ITGAD: variants seen among roughly 807,000 people sequenced by gnomAD.
The protein encoded by ITGAD is integrin subunit alpha D, also known as integrin alpha-D.
In ITGAD, 105 loss-of-function variants were observed where a neutral mutation model predicts 139.0. That is an observed-to-expected ratio of 0.76 (90% CI 0.65 to 0.89). The LOEUF (loss-of-function observed/expected upper bound fraction) is 0.89, where lower values mean the gene tolerates loss of function less well. Among genes scored for constraint, ITGAD ranks in the 40% least tolerant of loss-of-function variants. The probability of loss-of-function intolerance (pLI) is 0.00; values close to 1 mark genes in which losing one functional copy is unlikely to be tolerated. For missense variants in ITGAD, 1,384 were observed against 1,487.3 expected (o/e 0.93, Z 1.14); for synonymous variants, 569 against 598.3 (o/e 0.95, Z 0.71).
intron 16 of ITGAD, among the ~76,000 whole-genome samples, 166 bp from the exon 17 acceptor site, chr16:31,414,285 A>ATCCG (rs1426879480): frequency 6.3e-4 from 96 of 151,386 alleles, no homozygotes; most frequent in Non-Finnish European, 1.1e-3. Flanking sequence ...CCATCCATCC[A>ATCCG]TCATCTATCC....
intron 23 of ITGAD, among the ~76,000 whole-genome samples, chr16:31,419,196 CA>C (rs79173110): frequency 0.016 from 1,329 of 81,252 alleles, 13 homozygotes; most frequent in Middle Eastern, 0.05. Context: ...CTGTCTCAAA[CA>C]AAAAAAAAAA....
chr16:31,404,874 C>T (rs1213037846), intron 7 of ITGAD, among the ~76,000 whole-genome samples: 2 of 151,582 alleles, frequency 1.3e-5, no homozygotes, highest in African/African-American at 4.9e-5. Flanking sequence ...CCCTTCCCTC[C>T]CTTCCCTCCC....
In ITGAD at chr16:31,423,185, G is replaced by A. The variant is rs777270472; in HGVS notation, c.2852G>A (p.Arg951Gln). Reference protein sequence around the residue: ...DEKKMKEAEHRYRVNNLSQRD... With the variant: ...DEKKMKEAEHQYRVNNLSQRD... ...AAGAAAATGAAAGAGGCTGAGCATC[G>A]ATACCGTGTGAGAGTCTAGGGAGTA... The change falls in exon 24 of 30, where the codon CGA becomes CAA. Residue 951 changes from arginine (R) to glutamine (Q), a missense_variant. Physicochemically the swap from Arg to Gln is conservative, Grantham distance 43 (BLOSUM62 1). Transcript: ENST00000389202. The A allele has an allele frequency of 9.4e-5, 152 of 1,613,614 alleles. No homozygotes were observed. Among genetic ancestry groups the A allele is most frequent in the Non-Finnish European group, 1.2e-4 (141 of 1,179,626 alleles).
In ITGAD at chr16:31,407,893, A is replaced by G. The variant is rs528380726; in HGVS notation, c.986A>G (p.Gln329Arg). The change falls in exon 9 of 30, where the codon CAG becomes CGG. Residue 329 changes from glutamine to arginine, a missense_variant. Transcript: ENST00000389202. ...CTTGGCAGCATCCAGAAGCAGCTGC[A>G]GGAGAAGATCTATGCAGTTGAGGGT... is the stretch of plus-strand genomic sequence containing the variant. ...AALGSIQKQL[Q>R]EKIYAVEGTQ... 7 of 1,597,280 alleles carry G rather than the reference A, an allele frequency of 4.4e-6. No homozygotes were observed. Among genetic ancestry groups the G allele is most frequent in the South Asian group, 2.2e-5 (2 of 90,584 alleles).
chr16:31,413,095 G>T lies in ITGAD; in HGVS notation c.1845G>T (p.Leu615=). 1.2e-6 allele frequency: 2 copies of T among 1,614,118 alleles called. No homozygotes were observed. The highest frequency in any genetic ancestry group is 1.7e-6 in the Non-Finnish European group (2 of 1,180,004). Residue 615 remains leucine (L), a synonymous_variant, in exon 16 of 30, where the codon CTG becomes CTT. Transcript: ENST00000389202. ...ARGQVLLLRS[L]PVLKVGVAMR... ...CCACTACTCTGCCCCTCAGGAGTCTGCCGGTGCTGAAAGTGGGGGTGGCCA... is the reference window on the plus strand; with the variant it reads ...CCACTACTCTGCCCCTCAGGAGTCTTCCGGTGCTGAAAGTGGGGGTGGCCA...
intron 7 of ITGAD, among the ~76,000 whole-genome samples, chr16:31,405,240 C>T (rs2081508235): frequency 1.3e-5 from 2 of 152,072 alleles, no homozygotes; most frequent in African/African-American, 4.8e-5. Context: ...CCTGCCTCAG[C>T]CTCCCAAATG....
intron 2 of ITGAD, among the ~76,000 whole-genome samples, 165 bp downstream of exon 2, chr16:31,394,506 C>A (rs2081218923): frequency 6.6e-6 from 1 of 152,094 alleles, no homozygotes; most frequent in Non-Finnish European, 1.5e-5. Flanking sequence ...TATTCTCAAT[C>A]CCAGGAAAGG....
At chr16:31,401,850 AC>A (rs1247092385) in intron 5 of ITGAD, among the ~76,000 whole-genome samples, 3 of 152,068 alleles carry the variant, frequency 2.0e-5, no homozygotes, top group African/African-American at 7.2e-5. Flanking sequence ...TGCTTGTGGC[AC>A]CCCTAGCATC....
At chr16:31,407,971 C>T (rs1168498140) in intron 9 of ITGAD, 55 bp downstream of exon 9, 37 of 1,496,190 alleles carry the variant, frequency 2.5e-5, no homozygotes, top group Middle Eastern at 2.4e-4. Flanking sequence ...CCAATTGTCC[C>T]GTGCAGGCTT....
At chr16:31,407,412 G>A (rs1054897070) in intron 7 of ITGAD, 103 bp from the exon 8 acceptor site, 1 of 1,086,518 alleles carries the variant, frequency 9.2e-7, no homozygotes, top group Non-Finnish European at 1.3e-6. Flanking sequence ...AGAATGTGAG[G>A]GTGCCAGGAC....
chr16:31,408,955 C>G (rs2081609120), intron 10 of ITGAD, among the ~76,000 whole-genome samples: 1 of 152,126 alleles, frequency 6.6e-6, no homozygotes, highest in African/African-American at 2.4e-5. Flanking sequence ...TGAGAAGGAC[C>G]AGGTGGGATC....
chr16:31,407,217 G>A (rs2081560721), intron 7 of ITGAD, among the ~76,000 whole-genome samples: 1 of 152,146 alleles, frequency 6.6e-6, no homozygotes, highest in South Asian at 2.1e-4. Context: ...AGCCAGTCAT[G>A]GTGGTGGGCA....
intron 29 of ITGAD, 100 bp from the exon 30 acceptor site, chr16:31,425,915 A>C: frequency 1.4e-6 from 1 of 723,648 alleles, no homozygotes; most frequent in Non-Finnish European, 2.4e-6. Flanking sequence ...TCCTGACCTC[A>C]GGTGATCCAC....
chr16:31,395,860 C>A (rs2081252610), intron 2 of ITGAD, among the ~76,000 whole-genome samples: 1 of 152,030 alleles, frequency 6.6e-6, no homozygotes, highest in African/African-American at 2.4e-5. Flanking sequence ...TATAAGAGGT[C>A]ACCGAGCTCC....
chr16:31,403,757 C>T lies in ITGAD; in HGVS notation c.704+112C>T. 1 of 1,384,180 alleles carries T rather than the reference C, an allele frequency of 7.2e-7. No individual in the cohort carries two copies. Among genetic ancestry groups the T allele is most frequent in the Non-Finnish European group, 1.0e-6 (1 of 1,003,192 alleles). 85.7% of individuals were successfully genotyped at this position (1,384,180 alleles called of 1,614,324 possible). On this transcript the variant is annotated intron_variant, in intron 7 of 29. Coordinates refer to ENST00000389202, the MANE Select transcript of ITGAD (RefSeq NM_005353.3). The surrounding 1 kb of genome is among the most constrained non-coding windows in gnomAD (Gnocchi z 4.4). ...GGGAGGCTCCAGGGAAAGGGGCTAC[C>T]AAGGGGCATGTCGGGGCTGCAGGGA...
rs371570127 is a variant in ITGAD at position 31,397,651 on chromosome 16, C to T, written c.297C>T (p.Asn99=). ...SLGLTLAAST[N]GSRLLACGPT... ...GCCTGACCCTGGCAGCCTCCACCAA[C>T]GGCTCCCGGCTCCTGGTGAGTGAGT... Residue 99 remains asparagine (N), a synonymous_variant, in exon 4 of 30, where the codon AAC becomes AAT. Transcript: ENST00000389202. 47 of 1,545,762 alleles carry T rather than the reference C, an allele frequency of 3.0e-5. 1 individual carries two copies. The highest frequency in any genetic ancestry group is 2.1e-4 in the South Asian group (19 of 89,536).
chr16:31,406,895 G>A (rs1362318795), intron 7 of ITGAD, among the ~76,000 whole-genome samples: 1 of 152,218 alleles, frequency 6.6e-6, no homozygotes, highest in Non-Finnish European at 1.5e-5. Context: ...AAAGGCAGAG[G>A]CCCGGAGAGG....
chr16:31,423,693 G>A lies in ITGAD; in HGVS notation c.3045+45G>A, dbSNP rs138614005. On this transcript the variant is annotated intron_variant, in intron 26 of 29. Transcript: ENST00000389202. ...CCCACCGCCAAGATCAGCCCCCACC[G>A]GGGATACTGGGAAATGTACTGCTAG... is the stretch of plus-strand genomic sequence containing the variant. 974 of 1,570,832 alleles carry A rather than the reference G, an allele frequency of 6.2e-4. 10 individuals are homozygous for A. The African/African-American group carries it at 0.012, about 19-fold the overall frequency.
chr16:31,402,317 G>T, intron 6 of ITGAD, 72 bp downstream of exon 6: 1 of 1,270,396 alleles, frequency 7.9e-7, no homozygotes, highest in Non-Finnish European at 1.1e-6. Flanking sequence ...ATCCCGGGAG[G>T]GGTGGGGGCA....
Sources: allele counts gnomAD v4.1 joint callset (sites outside exome capture counted in the v4.1 genomes callset), GRCh38; gene constraint gnomAD v4.1.1; non-coding constraint Gnocchi (gnomAD v3.1); transcripts MANE v1.5; gene names NCBI Gene and HGNC (gene_info 2026-07-23, HGNC 2026-07-21).